The following PEX11B variants were observed in gnomAD, a reference collection of about 807,000 sequenced individuals.
The protein encoded by PEX11B is peroxisomal biogenesis factor 11 beta, also known as peroxisomal membrane protein 11B.
PEX11B carries 18 observed loss-of-function variants against 28.2 expected under a neutral mutation model. That is an observed-to-expected ratio of 0.64 (90% CI 0.44 to 0.95). PEX11B has a LOEUF of 0.95. Ranked by LOEUF, PEX11B falls within the 40% of genes least tolerant of loss-of-function variation. The pLI is 0.00. For missense variants in PEX11B, 305 were observed against 319.8 expected (o/e 0.95, Z 0.35); for synonymous variants, 128 against 128.7 (o/e 0.99, Z 0.04).
rs181569839 is a variant in PEX11B, at chr1:145,914,309, C to G, written c.375-1743G>C. ...GAATCACTTGAACCCAAGAGATGGA[C>G]GTTGCAGTGAGCTGAGATTGCACCA... On this transcript the variant is annotated intron_variant, in intron 3 of 3. Coordinates refer to ENST00000369306, the MANE Select transcript of PEX11B (RefSeq NM_003846.3). 4.9e-3 allele frequency among the ~76,000 whole-genome samples: 746 copies of G among 151,064 alleles called. 6 individuals are homozygous for G. Among genetic ancestry groups the G allele is most frequent in the South Asian group, 0.028 (131 of 4,756 alleles).
Position 145,917,737 on chromosome 1 carries a change from G to C in PEX11B, c.136C>G (p.Arg46Gly), listed in dbSNP as rs781924210. 13 of 1,612,046 alleles carry C rather than the reference G, an allele frequency of 8.1e-6. No individual in the cohort carries two copies. Among genetic ancestry groups the C allele is most frequent in the African/African-American group, 2.7e-5 (2 of 74,888 alleles). ...AGGCTCAGGTGGCTCTCCAGTTGTC[G>C]AATCTGTTTCTGTAACTCAGGACTG... ...GASPELQKQI[R>G]QLESHLSLGR... Residue 46 changes from arginine to glycine, a missense_variant, in exon 2 of 4, where the codon CGA (arginine) becomes GGA (glycine). By Grantham distance (125) the Arg-to-Gly change is moderately radical. Coordinates refer to ENST00000369306, the MANE Select transcript of PEX11B (RefSeq NM_003846.3).
In PEX11B at chr1:145,913,592, A is replaced by AACACACACAC. The variant is rs56031424; in HGVS notation, c.375-1036_375-1027dup. 7.7e-5 allele frequency among the ~76,000 whole-genome samples: 11 copies of AACACACACAC among 142,800 alleles called. 1 individual carries two copies. The highest frequency in any genetic ancestry group is 6.8e-4 in the South Asian group (3 of 4,390). 93.7% of individuals were successfully genotyped at this position (142,800 alleles called of 152,430 possible). A position where few individuals can be genotyped will look rare whatever the true frequency, so the allele number is the denominator to read the frequency against. On this transcript the variant is annotated intron_variant, in intron 3 of 3. Transcript: ENST00000369306. ...TCTCAAATTTCATTTTCCACTTGGC[A>AACACACACAC]ACACACACACACACACACACACACA... is the stretch of plus-strand genomic sequence containing the variant.
At chr1:145,918,602 C>T in intron 1 of PEX11B, 31 bp downstream of exon 1, 1 of 1,580,014 alleles carries the variant, frequency 6.3e-7, no homozygotes, top group Non-Finnish European at 8.6e-7. Flanking sequence ...ATCCCTCCCC[C>T]GCCCCACCCC....
At chr1:145,918,454 C>T (rs1175497522) in intron 1 of PEX11B, 179 bp downstream of exon 1, 2 of 1,536,258 alleles carry the variant, frequency 1.3e-6, no homozygotes, top group East Asian at 2.4e-5. Context: ...ATCTCTTCCG[C>T]GAACGGAAAG....
chr1:145,918,275 A>G, intron 1 of PEX11B: 1 of 985,458 alleles, frequency 1.0e-6, no homozygotes, highest in Non-Finnish European at 1.2e-6. Context: ...GTGTGGGGAC[A>G]CGGAAACTGG....
At chr1:145,917,998 A>G in intron 1 of PEX11B, 182 bp from the exon 2 acceptor site, 1 of 983,600 alleles carries the variant, frequency 1.0e-6, no homozygotes, top group Non-Finnish European at 1.2e-6. Flanking sequence ...AGGAGAAAAA[A>G]GAGTCTAGAA....
At position 145,917,297 on chromosome 1, in the gene PEX11B, G is replaced by C. The variant is rs587678999; in HGVS notation, c.173-279C>G. ...AATACAAAAATTAGCCCGGCATGGT[G>C]GTGGGCACCTGTAGTCCCAGCTGCT... On this transcript the variant is annotated intron_variant, in intron 2 of 3. Transcript: ENST00000369306. 2.6e-5 allele frequency among the ~76,000 whole-genome samples: 4 copies of C among 152,234 alleles called. No individual in the cohort carries two copies. The East Asian group carries it at 7.7e-4, about 29-fold the overall frequency.
chr1:145,913,848 G>A (rs1301948272), intron 3 of PEX11B, among the ~76,000 whole-genome samples: 1 of 152,058 alleles, frequency 6.6e-6, no homozygotes. Flanking sequence ...TGACAATGGT[G>A]GTCTGTACTC....
In PEX11B at chr1:145,916,827, G is replaced by A. The variant is rs201998667; in HGVS notation, c.364C>T (p.Arg122Cys). Reference sequence around the variant, plus strand: ...AACAGGATATCAAACCTGAATGAACGCTGGGCCCACTTCTCCTGATCCACA... The same window carrying A: ...AACAGGATATCAAACCTGAATGAACACTGGGCCCACTTCTCCTGATCCACA... ...PRVDQEKWAQ[R>C]SFRYYLFSLI... Residue 122 changes from arginine (R) to cysteine (C), a missense_variant, in exon 3 of 4, where the codon CGT becomes TGT. Transcript: ENST00000369306. 26 of 1,612,752 alleles carry A rather than the reference G, an allele frequency of 1.6e-5. No homozygotes were observed. The African/African-American group carries it at 2.7e-4, about 17-fold the overall frequency.
At chr1:145,918,545 C>A (rs2101865999) in intron 1 of PEX11B, 88 bp downstream of exon 1, 3 of 1,547,224 alleles carry the variant, frequency 1.9e-6, no homozygotes, top group South Asian at 1.2e-5. Context: ...TTCTTGACCC[C>A]CCTGTAGCCT....
rs1270057011 is a variant in PEX11B at position 145,916,931 on chromosome 1, G to A, written c.260C>T (p.Thr87Ile). 9.9e-6 allele frequency: 16 copies of A among 1,613,562 alleles called. No individual in the cohort carries two copies. The highest frequency in any genetic ancestry group is 1.4e-5 in the Non-Finnish European group (16 of 1,179,544). Residue 87 changes from threonine (T) to isoleucine (I), a missense_variant, in exon 3 of 4, where the codon ACT becomes ATT. Coordinates refer to ENST00000369306, the MANE Select transcript of PEX11B (RefSeq NM_003846.3). ...CAAGGCTCGATTGAGGTGACTAACA[G>A]TGATGCAGAATCTCAGGACAACATC... ...LSDVVLRFCI[T>I]VSHLNRALYF...
rs1559221614 is a variant in PEX11B, at chr1:145,912,339, A to C, written c.602T>G (p.Leu201Arg). ...RLQVLLLARV[L>R]RGHPPLLLDV... Reference sequence around the variant, plus strand: ...TAGCAGAAGTGGGGGATGACCTCTAAGGACTCGAGCCAGGAGCAGGACTTG... The same window carrying C: ...TAGCAGAAGTGGGGGATGACCTCTACGGACTCGAGCCAGGAGCAGGACTTG... The change falls in exon 4 of 4, where the codon CTT becomes CGT. Residue 201 changes from leucine (L) to arginine (R), a missense_variant. Physicochemically the swap from Leu to Arg is moderately radical, Grantham distance 102. Coordinates refer to ENST00000369306, the MANE Select transcript of PEX11B (RefSeq NM_003846.3). 6 of 1,613,978 alleles carry C rather than the reference A, an allele frequency of 3.7e-6. No individual in the cohort carries two copies. Among genetic ancestry groups the C allele is most frequent in the Non-Finnish European group, 5.1e-6 (6 of 1,179,950 alleles).
Position 145,918,709 on chromosome 1 carries a change from C to G in PEX11B, c.-21G>C. ...TCCATGACAGCCGCAGCCCAGGCTC[C>G]GCGGCCCTGCTCCCGCCCCACTTCC... On this transcript the variant is annotated 5_prime_UTR_variant, in exon 1 of 4. Coordinates refer to ENST00000369306, the MANE Select transcript of PEX11B (RefSeq NM_003846.3). 1 of 1,560,910 alleles carries G rather than the reference C, an allele frequency of 6.4e-7. No homozygotes were observed. The highest frequency in any genetic ancestry group is 1.9e-4 in the Middle Eastern group (1 of 5,238).
rs1553753097 is a variant in PEX11B at position 145,911,860 on chromosome 1, A to T, written c.*301T>A. The T allele has an allele frequency of 4.5e-6, 1 of 221,092 alleles. No individual in the cohort carries two copies. The highest frequency in any genetic ancestry group is 8.9e-5 in the East Asian group (1 of 11,282). 13.7% of individuals were successfully genotyped at this position (221,092 alleles called of 1,614,324 possible). ...GAGAAGGTTGAAAAAAGAAAGAGAG[A>T]GATGCATAGACACAGAACCTTAAAC... On this transcript the variant is annotated 3_prime_UTR_variant, in exon 4 of 4. Transcript: ENST00000369306.
Position 145,912,284 on chromosome 1 carries a change from GA to G in PEX11B, c.656del (p.Phe219SerfsTer7). 2 of 1,614,104 alleles carry G rather than the reference GA, an allele frequency of 1.2e-6. No individual in the cohort carries two copies. Among genetic ancestry groups the G allele is most frequent in the Non-Finnish European group, 1.7e-6 (2 of 1,180,004 alleles). On this transcript the variant is annotated frameshift_variant, in exon 4 of 4. Coordinates refer to ENST00000369306, the MANE Select transcript of PEX11B (RefSeq NM_003846.3). LOFTEE classifies it high-confidence loss of function. Reference sequence around the variant, plus strand: ...AGAGGCCTAGTTTGTCCAGAGGAATGAAGAGATCACAGGCATTTCTGACCAC... The same window carrying G: ...AGAGGCCTAGTTTGTCCAGAGGAATGAGAGATCACAGGCATTTCTGACCAC... ...LDVVRNACDLFIPLDKLGLWR... is the reference protein window; with the variant it reads ...LDVVRNACDLXIPLDKLGLWR...
chr1:145,916,436 A>G (rs926742545), intron 3 of PEX11B, among the ~76,000 whole-genome samples: 2 of 152,232 alleles, frequency 1.3e-5, no homozygotes, highest in Non-Finnish European at 2.9e-5. Flanking sequence ...CTAAACTAGA[A>G]GCTTCATGGG....
intron 2 of PEX11B, 121 bp downstream of exon 2, chr1:145,917,580 G>A (rs1188245602): frequency 2.9e-6 from 2 of 679,974 alleles, no homozygotes; most frequent in African/African-American, 3.5e-5. Flanking sequence ...CTCATGCAGA[G>A]GGTAAGTGCA....
At chr1:145,914,825 T>C (rs142327072) in intron 3 of PEX11B, among the ~76,000 whole-genome samples, 64 of 152,358 alleles carry the variant, frequency 4.2e-4, no homozygotes, top group African/African-American at 1.5e-3. Context: ...TACCAGTATC[T>C]GATATTTTAA....
chr1:145,914,134 G>A (rs781891217), intron 3 of PEX11B, among the ~76,000 whole-genome samples: 17 of 152,242 alleles, frequency 1.1e-4, no homozygotes, highest in Middle Eastern at 6.8e-3. Context: ...CCAGCACTTC[G>A]GGAGGTGGAG....
Sources: gnomAD v4.1 joint callset for allele counts (sites outside exome capture counted in the v4.1 genomes callset) on GRCh38, gnomAD v4.1.1 for gene constraint, MANE v1.5 for transcripts, NCBI Gene and HGNC (gene_info 2026-07-23, HGNC 2026-07-21) for gene names.